Variants in COPA observed in about 807,000 individuals in gnomAD.
The protein encoded by COPA is coatomer subunit alpha.
A neutral mutation model predicts 158.7 loss-of-function variants in COPA; 10 were observed. That is an observed-to-expected ratio of 0.06 (90% confidence interval 0.04 to 0.11). COPA has a LOEUF of 0.11. COPA is among the 10% of genes least tolerant of loss of function. The pLI is 1.00. For missense variants in COPA, 1,065 were observed against 1,536.7 expected (o/e 0.69, Z 5.13); for synonymous variants, 462 against 542.8 (o/e 0.85, Z 2.07).
intron 3 of COPA, among the ~76,000 whole-genome samples, chr1:160,336,311 C>A (rs933616659): frequency 6.8e-6 from 1 of 147,156 alleles, no homozygotes; most frequent in East Asian, 2.0e-4. Context: ...CCAGCCTGGG[C>A]GACAGAGAGA....
intron 6 of COPA, among the ~76,000 whole-genome samples, chr1:160,327,334 T>C (rs769864926): frequency 8.6e-5 from 13 of 151,446 alleles, no homozygotes; most frequent in Non-Finnish European, 1.8e-4. Flanking sequence ...GTCAGGAGTT[T>C]GAGGTCTGCC....
chr1:160,290,104 C>G lies in COPA; in HGVS notation c.*53G>C, dbSNP rs1381900648. ...GGTGCTGTTAGAAGGAGGATATAGA[C>G]ACATTCTCTGGGGGGAACATATGGT... is the stretch of plus-strand genomic sequence containing the variant. On this transcript the variant is annotated 3_prime_UTR_variant, in exon 33 of 33. Transcript: ENST00000241704. 1.3e-6 allele frequency: 2 copies of G among 1,547,804 alleles called. No homozygotes were observed. The highest frequency in any genetic ancestry group is 4.5e-5 in the East Asian group (2 of 44,534).
At chr1:160,294,736 A>T (rs139922624) in intron 24 of COPA, 32 bp downstream of exon 24, 3 of 1,610,996 alleles carry the variant, frequency 1.9e-6, no homozygotes, top group Non-Finnish European at 2.5e-6. Flanking sequence ...GGTGTCCATC[A>T]CCCCAGAACA....
In COPA at chr1:160,331,279, G is replaced by T. The variant is rs530701393; in HGVS notation, c.496+1169C>A. On this transcript the variant is annotated intron_variant, in intron 6 of 32. Coordinates refer to ENST00000241704, the MANE Select transcript of COPA (RefSeq NM_004371.4). The stretch of plus-strand genomic sequence containing the variant: ...AATCCTTGTCTCAAAATAAAGATAT[G>T]TAAACTGTAAAAGGAGGAATTATCC... Among the ~76,000 whole-genome samples the T allele has an allele frequency of 2.0e-5, 3 of 152,202 alleles. No individual in the cohort carries two copies. In the South Asian group the frequency reaches 6.2e-4, roughly 32 times the overall value.
chr1:160,293,637 G>A (rs1474981036), intron 25 of COPA, among the ~76,000 whole-genome samples, 174 bp from the exon 26 acceptor site: 3 of 151,978 alleles, frequency 2.0e-5, no homozygotes, highest in African/African-American at 4.8e-5. Flanking sequence ...TGGGACTGCA[G>A]GCATGAGTCA....
At chr1:160,294,335 G>A in intron 25 of COPA, 149 bp downstream of exon 25, 1 of 651,100 alleles carries the variant, frequency 1.5e-6, no homozygotes, top group Non-Finnish European at 2.7e-6. Flanking sequence ...AGACTAGGAG[G>A]GTCTAGTCCC....
intron 10 of COPA, 83 bp from the exon 11 acceptor site, chr1:160,312,101 A>G: frequency 2.1e-6 from 3 of 1,425,500 alleles, no homozygotes; most frequent in Non-Finnish European, 2.9e-6. Flanking sequence ...AAGGATGAAG[A>G]TTATATCTGT....
chr1:160,339,184 A>G (rs1647925858), intron 3 of COPA, among the ~76,000 whole-genome samples: 1 of 127,104 alleles, frequency 7.9e-6, no homozygotes, highest in Admixed American at 7.2e-5. Flanking sequence ...CCATCACCCA[A>G]CAGACACACT....
chr1:160,296,825 A>G (rs917169082), intron 21 of COPA, among the ~76,000 whole-genome samples: 3 of 152,160 alleles, frequency 2.0e-5, no homozygotes, highest in Non-Finnish European at 2.9e-5. Context: ...ACCGCAATAA[A>G]TCATGTTGTT....
At chr1:160,308,499 C>A (rs16831806) in intron 13 of COPA, among the ~76,000 whole-genome samples, 4 of 152,254 alleles carry the variant, frequency 2.6e-5, no homozygotes, top group African/African-American at 7.2e-5. Flanking sequence ...GCCATAAACC[C>A]GCTGGAAGAA....
At chr1:160,341,815 C>CT (rs1006345418) in intron 1 of COPA, among the ~76,000 whole-genome samples, 2 of 151,468 alleles carry the variant, frequency 1.3e-5, no homozygotes, top group African/African-American at 4.9e-5. Context: ...CCATTAGGTT[C>CT]TTTTTTTTAA....
chr1:160,306,202 T>C (rs116011917), intron 15 of COPA, 152 bp downstream of exon 15: 12,862 of 801,784 alleles, frequency 0.016, 143 homozygotes, highest in Middle Eastern at 0.035. Flanking sequence ...TGGAGAGTGA[T>C]CACAGAAGGG....
intron 8 of COPA, among the ~76,000 whole-genome samples, chr1:160,321,410 C>T (rs1187535211): frequency 2.0e-5 from 3 of 152,178 alleles, no homozygotes; most frequent in Non-Finnish European, 2.9e-5. Context: ...TCACAGATGA[C>T]ATTATCATAT....
intron 5 of COPA, 125 bp downstream of exon 5, chr1:160,333,478 A>G: frequency 1.6e-6 from 1 of 612,580 alleles, no homozygotes; most frequent in East Asian, 2.9e-5. Flanking sequence ...TCCTACAAAT[A>G]CAATCAGTAA....
chr1:160,299,258 G>T lies in COPA; in HGVS notation c.1674C>A (p.His558Gln), dbSNP rs758422851. The T allele has an allele frequency of 2.2e-5, 36 of 1,611,062 alleles. No individual in the cohort carries two copies. The highest frequency in any genetic ancestry group is 3.1e-5 in the Non-Finnish European group (36 of 1,177,660). The change falls in exon 18 of 33, where the codon CAC becomes CAA. Residue 558 changes from histidine (H) to glutamine (Q), a missense_variant. Around this residue, in one of 2 missense-constraint regions of COPA, gnomAD observed 980 missense variants for 1,357.8 expected, o/e 0.72. Transcript: ENST00000241704. ...GTAAATCCAGAGTTCGAATGATCCC[G>T]TGGTCCCTAAGAACAGAGGGCACAG... ...HIKYAVTTGD[H>Q]GIIRTLDLPI...
chr1:160,308,706 T>A (rs1052942788), intron 13 of COPA, among the ~76,000 whole-genome samples: 17 of 151,980 alleles, frequency 1.1e-4, no homozygotes, highest in African/African-American at 4.1e-4. Context: ...AGGAAGCAAA[T>A]CGGATCTGGA....
At chr1:160,339,757 A>G in intron 3 of COPA, 152 bp downstream of exon 3, 1 of 636,146 alleles carries the variant, frequency 1.6e-6, no homozygotes, top group Non-Finnish European at 2.7e-6. Flanking sequence ...TAAGCATTCA[A>G]TAAATGTTTG....
chr1:160,317,074 G>A (rs555087294), intron 8 of COPA, among the ~76,000 whole-genome samples: 7 of 151,516 alleles, frequency 4.6e-5, no homozygotes, highest in Non-Finnish European at 1.0e-4. Flanking sequence ...AGAGAGAGAG[G>A]AATGACATTT....
intron 25 of COPA, among the ~76,000 whole-genome samples, chr1:160,293,876 C>A (rs1658320450): frequency 6.6e-6 from 1 of 152,160 alleles, no homozygotes; most frequent in African/African-American, 2.4e-5. Flanking sequence ...TTCCCTGCCC[C>A]CACTGAGGAA....
Sources: gnomAD v4.1 joint callset for allele counts (sites outside exome capture counted in the v4.1 genomes callset) on GRCh38, gnomAD v4.1.1 for gene constraint, gnomAD v4.1.1 regional missense constraint, MANE v1.5 for transcripts, NCBI Gene and HGNC (gene_info 2026-07-23, HGNC 2026-07-21) for gene names.